Variants in COL2A1 observed in about 807,000 individuals in gnomAD.
The protein encoded by COL2A1 is collagen type II alpha 1 chain.
Under a neutral mutation model 204.5 loss-of-function variants are expected in COL2A1, and 28 were observed. That is an observed-to-expected ratio of 0.14 (90% CI 0.10 to 0.19). The LOEUF (loss-of-function observed/expected upper bound fraction) is 0.19. Among genes scored for constraint, COL2A1 ranks in the 10% least tolerant of loss-of-function variants. COL2A1 has a pLI of 1.00. For synonymous variants in COL2A1, 708 were observed against 718.7 expected, an observed-to-expected ratio of 0.99 and a Z score of 0.24; for missense variants, 1,388 against 2,027.5, an observed-to-expected ratio of 0.68 and a Z score of 6.06.
chr12:47,992,989 C>A, intron 15 of COL2A1, 58 bp from the exon 16 acceptor site: 1 of 1,525,426 alleles, frequency 6.6e-7, no homozygotes, highest in Non-Finnish European at 9.1e-7. Flanking sequence ...CTCAGGGTGA[C>A]CATTTCTACC....
chr12:48,005,497 G>T (rs544428739), upstream of COL2A1: 1 of 152,340 alleles, frequency 6.6e-6, no homozygotes, highest in South Asian at 2.1e-4. Flanking sequence ...GATCCAGCTG[G>T]CGAGTTCTGT....
Position 47,994,006 on chromosome 12 carries a change from G to A in COL2A1, c.858C>T (p.Val286=), listed in dbSNP as rs1939829487. Reference sequence around the variant, plus strand: ...CCGTGATACTTACTCTGTGACCTTTGACACCAGGAAGGCCTGGGGTTCCTG... The same window carrying A: ...CCGTGATACTTACTCTGTGACCTTTAACACCAGGAAGGCCTGGGGTTCCTG... ...GFPGTPGLPG[V]KGHRGYPGLD... is the part of the protein sequence containing the mutation. The change falls in exon 13 of 54, where the codon GTC becomes GTT. Residue 286 remains valine, a synonymous_variant. Transcript: ENST00000380518. The A allele has an allele frequency of 6.2e-7, 1 of 1,613,966 alleles. No individual in the cohort carries two copies. The highest frequency in any genetic ancestry group is 8.5e-7 in the Non-Finnish European group (1 of 1,180,030).
intron 29 of COL2A1, 72 bp from the exon 30 acceptor site, chr12:47,983,808 A>T (rs1939233314): frequency 6.7e-7 from 1 of 1,495,802 alleles, no homozygotes; most frequent in Admixed American, 2.0e-5. Flanking sequence ...AGTAGGGCCC[A>T]GGGGAGGTCA....
intron 10 of COL2A1, 111 bp from the exon 11 acceptor site, chr12:47,995,419 A>C: frequency 1.0e-6 from 1 of 989,618 alleles, no homozygotes; most frequent in Non-Finnish European, 1.6e-6. Context: ...ATGAAGAAGA[A>C]AGATGGGAAG....
At chr12:47,995,379 G>T in intron 10 of COL2A1, 71 bp from the exon 11 acceptor site, 1 of 1,328,066 alleles carries the variant, frequency 7.5e-7, no homozygotes, top group Non-Finnish European at 1.1e-6. Flanking sequence ...ACAAAACTTT[G>T]ACATTGTAGT....
intron 47 of COL2A1, 21 bp downstream of exon 47, chr12:47,977,081 G>A: frequency 1.3e-6 from 2 of 1,599,050 alleles, no homozygotes; most frequent in Non-Finnish European, 1.7e-6. Context: ...GGGACTCAGT[G>A]CAGGACACTT....
At chr12:47,982,207 C>A in intron 34 of COL2A1, 47 bp from the exon 35 acceptor site, 1 of 1,563,648 alleles carries the variant, frequency 6.4e-7, no homozygotes, top group Non-Finnish European at 8.8e-7. Context: ...CCCCAGGACC[C>A]CCATGGTTTG....
chr12:47,988,540 A>G (rs1039513109), intron 18 of COL2A1: 1 of 156,572 alleles, frequency 6.4e-6, no homozygotes, highest in East Asian at 1.9e-4. Flanking sequence ...CCTCTTCACA[A>G]TGGGTCTCCT....
rs1938980992 is a variant in COL2A1 at position 47,980,314 on chromosome 12, C to A, written c.2625+240G>T. On this transcript the variant is annotated intron_variant, in intron 39 of 53. Coordinates refer to ENST00000380518, the MANE Select transcript of COL2A1 (RefSeq NM_001844.5). The surrounding 1 kb of genome is among the most constrained non-coding windows in gnomAD (Gnocchi z 4.5). ...GCCTCCCGGGAAGCTCTTCCTGCCACCGCCCCCTCCTCCCCAGGAGATCAG... is the reference window on the plus strand; with the variant it reads ...GCCTCCCGGGAAGCTCTTCCTGCCAACGCCCCCTCCTCCCCAGGAGATCAG... 6.6e-6 allele frequency among the ~76,000 whole-genome samples: 1 copy of A among 152,144 alleles called. No homozygotes were observed. Among genetic ancestry groups the A allele is most frequent in the Non-Finnish European group, 1.5e-5 (1 of 68,006 alleles).
intron 26 of COL2A1, 33 bp from the exon 27 acceptor site, chr12:47,985,126 A>T: frequency 6.4e-7 from 1 of 1,559,576 alleles, no homozygotes; most frequent in Non-Finnish European, 8.8e-7. Flanking sequence ...CAGAACATAG[A>T]CACTCTGACC....
intron 16 of COL2A1, among the ~76,000 whole-genome samples, chr12:47,992,265 G>C (rs535941928): frequency 1.4e-4 from 21 of 152,064 alleles, no homozygotes; most frequent in Non-Finnish European, 2.6e-4. Flanking sequence ...AGAGTCTAAG[G>C]CTGCAAGGCA....
intron 15 of COL2A1, 77 bp from the exon 16 acceptor site, chr12:47,993,008 C>T (rs900593762): frequency 7.2e-7 from 1 of 1,386,134 alleles, no homozygotes; most frequent in African/African-American, 1.4e-5. Flanking sequence ...CCTGCAGGCC[C>T]TTTGCGGATA....
chr12:47,977,714 C>T (rs1938802499), intron 44 of COL2A1, 61 bp from the exon 45 acceptor site: 1 of 1,555,792 alleles, frequency 6.4e-7, no homozygotes. Context: ...CCCCTCTGCT[C>T]CCCCAGCCCC....
At chr12:47,982,049 C>A in intron 35 of COL2A1, 58 bp downstream of exon 35, 1 of 1,555,980 alleles carries the variant, frequency 6.4e-7, no homozygotes, top group South Asian at 1.1e-5. Flanking sequence ...CTCCTGCTCT[C>A]CTGGGTGCAG....
At chr12:47,977,796 T>C in intron 44 of COL2A1, 143 bp from the exon 45 acceptor site, 1 of 1,050,180 alleles carries the variant, frequency 9.5e-7, no homozygotes, top group African/African-American at 1.6e-5. Flanking sequence ...CCTCACCAAG[T>C]TTCCCTCCTC....
chr12:47,986,975 G>A (rs1407643790), intron 21 of COL2A1, 87 bp from the exon 22 acceptor site: 3 of 1,589,466 alleles, frequency 1.9e-6, no homozygotes, highest in African/African-American at 1.3e-5. Context: ...GCCCTCGGAT[G>A]GAGGCCGCTG....
Position 47,976,750 on chromosome 12 carries a change from G to T in COL2A1, c.3435+62C>A. ...CCAAGCTGTCCTGGCAGCACAGGGA[G>T]CTCAAGTGGGCTCTGTGTGGCAGGA... On this transcript the variant is annotated intron_variant, in intron 48 of 53. Coordinates refer to ENST00000380518, the MANE Select transcript of COL2A1 (RefSeq NM_001844.5). The surrounding 1 kb of genome is among the most constrained non-coding windows in gnomAD (Gnocchi z 4.3). 1 of 1,491,942 alleles carries T rather than the reference G, an allele frequency of 6.7e-7. No individual in the cohort carries two copies. The highest frequency in any genetic ancestry group is 1.2e-5 in the South Asian group (1 of 85,798). 92.4% of individuals were successfully genotyped at this position (1,491,942 alleles called of 1,614,324 possible).
At chr12:47,991,318 T>C (rs559409314) in intron 16 of COL2A1, among the ~76,000 whole-genome samples, 19 of 152,258 alleles carry the variant, frequency 1.2e-4, no homozygotes, top group African/African-American at 3.1e-4. Context: ...GGAGAGAGGA[T>C]ACAGGCCCAA....
chr12:47,994,525 C>T, intron 11 of COL2A1, 48 bp from the exon 12 acceptor site: 1 of 1,605,372 alleles, frequency 6.2e-7, no homozygotes, highest in Non-Finnish European at 8.5e-7. Flanking sequence ...GACGCAGTAG[C>T]ATAGTGGGGG....
Sources: allele counts gnomAD v4.1 joint callset (sites outside exome capture counted in the v4.1 genomes callset), GRCh38; gene constraint gnomAD v4.1.1; non-coding constraint Gnocchi (gnomAD v3.1); transcripts MANE v1.5; gene names NCBI Gene and HGNC (gene_info 2026-07-23, HGNC 2026-07-21).